Variants in MYO1E observed in about 807,000 individuals in gnomAD.
MYO1E encodes myosin IE, also known as unconventional myosin-Ie.
A neutral mutation model predicts 151.1 loss-of-function variants in MYO1E; 68 were observed. The ratio of observed to expected loss-of-function variants is 0.45; its 90% CI spans 0.37 to 0.55. The LOEUF is 0.55. MYO1E is among the 20% of genes least tolerant of loss of function. The pLI, the probability that MYO1E is intolerant of heterozygous loss-of-function variation, is 0.00. For synonymous variants in MYO1E, 601 were observed against 501.7 expected, an observed-to-expected ratio of 1.20 and a Z score of -2.64; for missense variants, 1,363 against 1,389.3, an observed-to-expected ratio of 0.98 and a Z score of 0.30.
At position 59,267,490 on chromosome 15, in the gene MYO1E, G is replaced by A. The variant is rs1014490058; in HGVS notation, c.147+4816C>T. On this transcript the variant is annotated intron_variant, in intron 2 of 27. Transcript: ENST00000288235. ...AACTCGAAGCTTTGGCTCCAGCCCGGCATCTGTCTTGCTATATAGCATGCT... is the reference window on the plus strand; with the variant it reads ...AACTCGAAGCTTTGGCTCCAGCCCGACATCTGTCTTGCTATATAGCATGCT... Among the ~76,000 whole-genome samples the A allele has an allele frequency of 5.9e-5, 9 of 152,308 alleles. No homozygotes were observed. The South Asian group carries it at 6.2e-4, about 11-fold the overall frequency.
Position 59,214,212 on chromosome 15 carries a change from A to C in MYO1E, c.1275+16T>G. On this transcript the variant is annotated intron_variant, in intron 12 of 27. Coordinates refer to ENST00000288235, the MANE Select transcript of MYO1E (RefSeq NM_004998.4). ...AATTATAAATAGAATAGGATGAAGG[A>C]AGAGGGACTGCTTACCTGTTCTGCC... The C allele has an allele frequency of 6.3e-7, 1 of 1,586,760 alleles. No homozygotes were observed. The highest frequency in any genetic ancestry group is 8.6e-7 in the Non-Finnish European group (1 of 1,156,722).
In MYO1E at chr15:59,230,682, C is replaced by A. The variant is rs752816414; in HGVS notation, c.510+1020G>T. Among the ~76,000 whole-genome samples, 12 of 152,212 alleles carry A rather than the reference C, an allele frequency of 7.9e-5. 1 individual carries two copies. The highest frequency in any genetic ancestry group is 3.4e-3 in the Middle Eastern group (1 of 294). On this transcript the variant is annotated intron_variant, in intron 6 of 27. Coordinates refer to ENST00000288235, the MANE Select transcript of MYO1E (RefSeq NM_004998.4). ...TATTGGAAAGCAAAGAAAGTAAGGGCAAGTCTAACAGATAGAACCCACCAG... is the reference window on the plus strand; with the variant it reads ...TATTGGAAAGCAAAGAAAGTAAGGGAAAGTCTAACAGATAGAACCCACCAG...
At chr15:59,162,875 T>C (rs574836737) in intron 23 of MYO1E, among the ~76,000 whole-genome samples, 4 of 152,296 alleles carry the variant, frequency 2.6e-5, no homozygotes, top group South Asian at 4.1e-4. Context: ...GGGTGATACA[T>C]AAAAATCTGC....
In MYO1E at chr15:59,214,860, C is replaced by G. The variant is rs2079903594; in HGVS notation, c.1108-140G>C. The G allele has an allele frequency of 8.1e-6, 6 of 740,964 alleles. No individual in the cohort carries two copies. The African/African-American group carries it at 8.6e-5, about 11-fold the overall frequency. 45.9% of individuals were successfully genotyped at this position (740,964 alleles called of 1,614,324 possible). A position where few individuals can be genotyped will look rare whatever the true frequency, so the allele number is the denominator to read the frequency against. ...ACAGAGGACAAGTGAAGGCAGGAGA[C>G]TTGCTGCTTTAACAATCTCTCAGTC... On this transcript the variant is annotated intron_variant, in intron 10 of 27. Coordinates refer to ENST00000288235, the MANE Select transcript of MYO1E (RefSeq NM_004998.4).
At chr15:59,137,871 C>T (rs1216977328) in intron 27 of MYO1E, among the ~76,000 whole-genome samples, 2 of 152,184 alleles carry the variant, frequency 1.3e-5, no homozygotes, top group African/African-American at 4.8e-5. Flanking sequence ...AAAGTCAGGA[C>T]TTTTGTCCAA....
chr15:59,305,536 G>A (rs1013374738), intron 1 of MYO1E, among the ~76,000 whole-genome samples: 25 of 152,196 alleles, frequency 1.6e-4, no homozygotes, highest in African/African-American at 5.5e-4. Context: ...TTAGAGAAAC[G>A]AAAAATACAG....
At chr15:59,227,636 A>G (rs1396019166) in intron 6 of MYO1E, 46 bp from the exon 7 acceptor site, 2 of 1,608,898 alleles carry the variant, frequency 1.2e-6, no homozygotes, top group Non-Finnish European at 8.5e-7. Context: ...TGAACAAAAC[A>G]TGATGTCCCA....
intron 5 of MYO1E, among the ~76,000 whole-genome samples, chr15:59,233,623 C>T (rs966215759): frequency 6.3e-5 from 9 of 143,496 alleles, no homozygotes; most frequent in Non-Finnish European, 3.0e-5. Context: ...GAGATCGCAC[C>T]ACTGCACTCC....
chr15:59,211,625 A>G (rs1284963605), intron 12 of MYO1E, among the ~76,000 whole-genome samples: 1 of 152,148 alleles, frequency 6.6e-6, no homozygotes, highest in African/African-American at 2.4e-5. Context: ...ACCTGTTTAG[A>G]GGAACTCTGA....
Position 59,217,969 on chromosome 15 carries a change from G to C in MYO1E, c.1029C>G (p.Leu343=). 1 of 1,614,242 alleles carries C rather than the reference G, an allele frequency of 6.2e-7. No homozygotes were observed. The highest frequency in any genetic ancestry group is 1.1e-5 in the South Asian group (1 of 91,082). Residue 343 remains leucine, a synonymous_variant, in exon 10 of 28, where the codon CTC becomes CTG. Coordinates refer to ENST00000288235, the MANE Select transcript of MYO1E (RefSeq NM_004998.4). ...GGKSESIHVT[L]NVEQACYTRD... is the part of the protein sequence containing the mutation. ...GGGTGTAACAGGCCTGCTCTACGTT[G>C]AGGGTCACGTGGATGGATTCGGATT... is the stretch of plus-strand genomic sequence containing the variant.
At position 59,149,062 on chromosome 15, in the gene MYO1E, T is replaced by TTG. The variant is rs1566964400; in HGVS notation, c.3080+4527_3080+4528insCA. 2.3e-3 allele frequency among the ~76,000 whole-genome samples: 191 copies of TTG among 84,198 alleles called. 1 individual carries two copies. Among genetic ancestry groups the TTG allele is most frequent in the African/African-American group, 5.6e-3 (178 of 31,796 alleles). 55.2% of individuals were successfully genotyped at this position (84,198 alleles called of 152,430 possible). A position where few individuals can be genotyped will look rare whatever the true frequency, so the allele number is the denominator to read the frequency against. On this transcript the variant is annotated intron_variant, in intron 26 of 27. Transcript: ENST00000288235. ...TGTTTTTTTTTTTTTGTTTTTTTTT[T>TTG]TTTTTTTTTTTTGAGACAGAGTCTT...
In MYO1E at chr15:59,139,255, A is replaced by G. The variant is rs147370787; in HGVS notation, c.3081-888T>C. 7.6e-3 allele frequency among the ~76,000 whole-genome samples: 504 copies of G among 65,886 alleles called. 1 individual carries two copies. The highest frequency in any genetic ancestry group is 0.028 in the Middle Eastern group (3 of 108). The allele number at this position is 65,886 out of a possible 152,430, so 43.2% of individuals were successfully genotyped here. ...CCCATCCCTCATTATTACTCCTCACACTTCCCTCCCACCCCCTCATTATTA... is the reference window on the plus strand; with the variant it reads ...CCCATCCCTCATTATTACTCCTCACGCTTCCCTCCCACCCCCTCATTATTA... On this transcript the variant is annotated intron_variant, in intron 26 of 27. Coordinates refer to ENST00000288235, the MANE Select transcript of MYO1E (RefSeq NM_004998.4).
Position 59,207,047 on chromosome 15 carries a change from T to C in MYO1E, c.1531-1562A>G, listed in dbSNP as rs757012705. Reference sequence around the variant, plus strand: ...CTGTGTCCGCGTCAAGCAACGCGCATCCCGCTCAACGGCACCTGGCTCTTC... The same window carrying C: ...CTGTGTCCGCGTCAAGCAACGCGCACCCCGCTCAACGGCACCTGGCTCTTC... On this transcript the variant is annotated intron_variant, in intron 14 of 27. Coordinates refer to ENST00000288235, the MANE Select transcript of MYO1E (RefSeq NM_004998.4). The C allele has an allele frequency of 5.6e-6, 9 of 1,614,242 alleles. No individual in the cohort carries two copies. In the Admixed American group the frequency reaches 1.0e-4, roughly 18 times the overall value.
At chr15:59,160,716 G>A (rs2079533415) in intron 24 of MYO1E, among the ~76,000 whole-genome samples, 1 of 152,056 alleles carries the variant, frequency 6.6e-6, no homozygotes, top group African/African-American at 2.4e-5. Context: ...ACCACGCCGG[G>A]CCCAGTCAAT....
Position 59,316,182 on chromosome 15 carries a change from G to C in MYO1E, c.4-43733C>G, listed in dbSNP as rs568344222. Among the ~76,000 whole-genome samples the C allele has an allele frequency of 3.3e-5, 5 of 152,332 alleles. No homozygotes were observed. The East Asian group carries it at 9.6e-4, about 29-fold the overall frequency. The stretch of plus-strand genomic sequence containing the variant: ...GTGCAACAATCTCTCACCATCTGAA[G>C]AATTTAGTGTATCCAGGTTTATGGC... On this transcript the variant is annotated intron_variant, in intron 1 of 27. Coordinates refer to ENST00000288235, the MANE Select transcript of MYO1E (RefSeq NM_004998.4).
In MYO1E at chr15:59,273,421, G is replaced by C. The variant is rs80043872; in HGVS notation, c.4-972C>G. On this transcript the variant is annotated intron_variant, in intron 1 of 27. Transcript: ENST00000288235. ...AGCACTTGGGGAGCTGAGCACTTGG[G>C]CAGTTCAAAGTCCCTTGAAGGACAC... Among the ~76,000 whole-genome samples the C allele has an allele frequency of 5.5e-3, 832 of 152,282 alleles. 5 individuals are homozygous for C. The highest frequency in any genetic ancestry group is 0.018 in the African/African-American group (761 of 41,548).
intron 1 of MYO1E, chr15:59,341,483 C>T (rs2080765588): frequency 6.6e-6 from 1 of 152,092 alleles, no homozygotes; most frequent in Admixed American, 6.5e-5. Context: ...AACCATAACC[C>T]CTGTCTCCCC....
intron 26 of MYO1E, among the ~76,000 whole-genome samples, chr15:59,144,617 G>A (rs975078480): frequency 2.6e-5 from 4 of 151,992 alleles, no homozygotes; most frequent in Non-Finnish European, 5.9e-5. Flanking sequence ...TCTGATTCTA[G>A]GAAAGTTTTA....
At position 59,235,531 on chromosome 15, in the gene MYO1E, T is replaced by G. The variant is rs115680025; in HGVS notation, c.420+1054A>C. 7.8e-3 allele frequency among the ~76,000 whole-genome samples: 1,192 copies of G among 152,384 alleles called. 19 individuals carry two copies. Among genetic ancestry groups the G allele is most frequent in the African/African-American group, 0.028 (1,147 of 41,594 alleles). ...ATGAAGCCTCATTTTTATTGCTGTA[T>G]AATATTCTATTATATAAAGAACCAC... On this transcript the variant is annotated intron_variant, in intron 5 of 27. Transcript: ENST00000288235.
Sources: allele counts gnomAD v4.1 joint callset (sites outside exome capture counted in the v4.1 genomes callset), GRCh38; gene constraint gnomAD v4.1.1; transcripts MANE v1.5; gene names NCBI Gene and HGNC (gene_info 2026-07-23, HGNC 2026-07-21).